TRIM48: variants seen among roughly 807,000 people sequenced by gnomAD.
TRIM48 encodes tripartite motif containing 48.
TRIM48 carries 31 observed loss-of-function variants against 29.5 expected under a neutral mutation model. The observed-to-expected ratio is 1.05, with a 90% CI of 0.79 to 1.42. TRIM48 has a LOEUF of 1.42. TRIM48 is among the 40% of genes most tolerant of loss of function. The pLI, the probability that TRIM48 is intolerant of heterozygous loss-of-function variation, is 0.00. For missense variants in TRIM48, 344 were observed against 265.0 expected (o/e 1.30, Z -2.07); for synonymous variants, 128 against 90.6 (o/e 1.41, Z -2.34).
rs758188890 is a variant in TRIM48, at chr11:55,264,948, C to A, written c.93C>A (p.Cys31Ter). The change falls in exon 2 of 6, where the codon TGC becomes TGA. Residue 31 changes from cysteine to a stop codon, truncating the protein, a stop_gained. Coordinates refer to ENST00000417545, the MANE Select transcript of TRIM48 (RefSeq NM_024114.5). LOFTEE classifies it high-confidence loss of function. ...AAGTCTTCCAGAGGGAACTCACCTG[C>A]CCCATCTGCATGAACTACTTCATAG... Reference protein sequence around the residue: ...ISQVFQRELTCPICMNYFIDP... With the variant: ...ISQVFQRELT 4 of 1,584,072 alleles carry A rather than the reference C, an allele frequency of 2.5e-6. No homozygotes were observed. The highest frequency in any genetic ancestry group is 3.4e-6 in the Non-Finnish European group (4 of 1,166,198).
chr11:55,267,600 A>T (rs1857413140), intron 3 of TRIM48: 5 of 1,563,894 alleles, frequency 3.2e-6, no homozygotes, highest in Non-Finnish European at 4.3e-6. Flanking sequence ...AGCGGAGCTG[A>T]TGAAAATGTG....
At chr11:55,264,463 C>G (rs1310758798) in intron 1 of TRIM48, among the ~76,000 whole-genome samples, 1 of 148,182 alleles carries the variant, frequency 6.7e-6, no homozygotes, top group Non-Finnish European at 1.5e-5. Flanking sequence ...GTCTCTCTCT[C>G]AAAATATATC....
rs1857461978 is a variant in TRIM48, at chr11:55,270,317, G to A, written c.*2-120G>A. 1.2e-5 allele frequency: 9 copies of A among 779,274 alleles called. 1 individual carries two copies. The highest frequency in any genetic ancestry group is 4.5e-5 in the South Asian group (2 of 44,644). The allele number at this position is 779,274 out of a possible 1,614,324, so 48.3% of individuals were successfully genotyped here. A position where few individuals can be genotyped will look rare whatever the true frequency, so the allele number is the denominator to read the frequency against. ...AGAAGTTACAAGCAAAAGTGTCCTT[G>A]TGACTTTACGTTTCCTGGTAAATTA... On this transcript the variant is annotated intron_variant, in intron 5 of 5. Transcript: ENST00000417545.
In TRIM48 at chr11:55,271,110, T is replaced by G; in HGVS notation, c.*675T>G. The G allele has an allele frequency of 1.3e-6, 1 of 787,108 alleles. No individual in the cohort carries two copies. Among genetic ancestry groups the G allele is most frequent in the South Asian group, 2.3e-5 (1 of 43,452 alleles). The allele number at this position is 787,108 out of a possible 1,614,324, so 48.8% of individuals were successfully genotyped here. On this transcript the variant is annotated 3_prime_UTR_variant, in exon 6 of 6. Coordinates refer to ENST00000417545, the MANE Select transcript of TRIM48 (RefSeq NM_024114.5). Reference sequence around the variant, plus strand: ...TTACTATTAAATGTAGTAAAAACACTAAAAGTATATATATTGGTTCTTTAT... The same window carrying G: ...TTACTATTAAATGTAGTAAAAACACGAAAAGTATATATATTGGTTCTTTAT...
chr11:55,269,065 T>C (rs1389409422), intron 4 of TRIM48, among the ~76,000 whole-genome samples, 177 bp from the exon 5 acceptor site: 2 of 148,682 alleles, frequency 1.3e-5, no homozygotes, highest in African/African-American at 4.9e-5. Context: ...ACTCTCCCAC[T>C]ATGCTTTAAA....
chr11:55,269,518 T>A (rs967341921), intron 5 of TRIM48, among the ~76,000 whole-genome samples, 179 bp downstream of exon 5: 4 of 148,118 alleles, frequency 2.7e-5, no homozygotes, highest in African/African-American at 4.9e-5. Context: ...GCATTAAGAT[T>A]GAAAGATAGT....
chr11:55,267,630 C>A (rs1429607919), intron 3 of TRIM48: 11 of 1,561,612 alleles, frequency 7.0e-6, no homozygotes, highest in Middle Eastern at 2.3e-4. Flanking sequence ...ACATGTGGAG[C>A]TACTTCAGGT....
Position 55,265,000 on chromosome 11 carries a change from A to G in TRIM48, c.145A>G (p.Ser49Gly). The G allele has an allele frequency of 2.5e-6, 4 of 1,584,726 alleles. No homozygotes were observed. The highest frequency in any genetic ancestry group is 3.4e-6 in the Non-Finnish European group (4 of 1,166,428). The part of the protein sequence containing the change: ...IDPVTIDCGH[S>G]FCRPCFYLNW... ...CCCGGTCACCATAGACTGTGGGCAC[A>G]GCTTTTGCAGGCCCTGTTTCTACCT... The change falls in exon 2 of 6, where the codon AGC becomes GGC. Residue 49 changes from serine to glycine, a missense_variant. Ser to Gly is a moderately conservative substitution (Grantham distance 56). Transcript: ENST00000417545.
rs1005242160 is a variant in TRIM48 at position 55,270,926 on chromosome 11, T to C, written c.*491T>C. Reference sequence around the variant, plus strand: ...CCTCTCAGACCTATCTTTTTCTGTATTCTCCTCTGACCAGAGACAAATCAG... The same window carrying C: ...CCTCTCAGACCTATCTTTTTCTGTACTCTCCTCTGACCAGAGACAAATCAG... On this transcript the variant is annotated 3_prime_UTR_variant, in exon 6 of 6. Transcript: ENST00000417545. The C allele has an allele frequency of 1.3e-6, 2 of 1,556,826 alleles. No homozygotes were observed. Among genetic ancestry groups the C allele is most frequent in the Non-Finnish European group, 1.7e-6 (2 of 1,145,640 alleles).
intron 2 of TRIM48, 36 bp downstream of exon 2, chr11:55,265,350 G>T (rs1416917517): frequency 6.3e-7 from 1 of 1,580,504 alleles, no homozygotes; most frequent in African/African-American, 1.4e-5. Flanking sequence ...TTCTATAAAG[G>T]ACACATGAAA....
chr11:55,265,027 A>C lies in TRIM48; in HGVS notation c.172A>C (p.Asn58His), dbSNP rs1333899492. 4.4e-6 allele frequency: 7 copies of C among 1,584,292 alleles called. 1 individual carries two copies. The highest frequency in any genetic ancestry group is 6.0e-6 in the Non-Finnish European group (7 of 1,166,302). The change falls in exon 2 of 6, where the codon AAC (asparagine) becomes CAC (histidine). Residue 58 changes from asparagine (N) to histidine (H), a missense_variant. Coordinates refer to ENST00000417545, the MANE Select transcript of TRIM48 (RefSeq NM_024114.5). ...HSFCRPCFYL[N>H]WQDIPILTQC... ...CTTTTGCAGGCCCTGTTTCTACCTC[A>C]ACTGGCAAGACATCCCAATTCTTAC...
intron 4 of TRIM48, 38 bp from the exon 5 acceptor site, chr11:55,269,204 T>A (rs1471420136): frequency 6.4e-7 from 1 of 1,561,866 alleles, no homozygotes; most frequent in South Asian, 1.2e-5. Flanking sequence ...ATTTATTTTA[T>A]GGCTGTAGAT....
chr11:55,264,816 C>G (rs756236057), intron 1 of TRIM48, 84 bp from the exon 2 acceptor site: 6 of 1,531,530 alleles, frequency 3.9e-6, no homozygotes, highest in African/African-American at 2.8e-5. Context: ...AGAGAAGAAA[C>G]TATAGCTATC....
rs778871781 is a variant in TRIM48, at chr11:55,269,295, C to A, written c.632C>A (p.Ala211Glu). Reference protein sequence around the residue: ...MPQPLNLALRAGPITGLRDRL... With the variant: ...MPQPLNLALREGPITGLRDRL... ...CAGCCTCTGAATCTAGCGCTCAGGG[C>A]AGGGCCCATCACTGGACTGAGGGAC... The change falls in exon 5 of 6, where the codon GCA becomes GAA. Residue 211 changes from alanine (A) to glutamate (E), a missense_variant. Transcript: ENST00000417545. The A allele has an allele frequency of 1.8e-5, 29 of 1,576,066 alleles. 5 individuals are homozygous for A. The East Asian group carries it at 3.6e-4, about 20-fold the overall frequency.
chr11:55,268,498 T>C, intron 4 of TRIM48, 126 bp downstream of exon 4: 1 of 927,558 alleles, frequency 1.1e-6, no homozygotes, highest in Non-Finnish European at 1.6e-6. Context: ...TCTTCTTTCA[T>C]TCCCACACCA....
chr11:55,263,575 T>C (rs1857338699), intron 1 of TRIM48, among the ~76,000 whole-genome samples: 1 of 152,010 alleles, frequency 6.6e-6, no homozygotes, highest in Non-Finnish European at 1.5e-5. Context: ...GGCAGGAGAC[T>C]CGCTTTGACC....
rs754421846 is a variant in TRIM48, at chr11:55,265,738, G to C, written c.555+43G>C. The C allele has an allele frequency of 3.9e-6, 6 of 1,542,878 alleles. 1 individual carries two copies. Among genetic ancestry groups the C allele is most frequent in the Non-Finnish European group, 5.3e-6 (6 of 1,137,310 alleles). ...CTACCTTCTCCAGGAACTTATGGTG[G>C]GCAAATGGGTGACTCTTAAAATAGG... On this transcript the variant is annotated intron_variant, in intron 3 of 5. Coordinates refer to ENST00000417545, the MANE Select transcript of TRIM48 (RefSeq NM_024114.5).
chr11:55,265,429 T>A, intron 2 of TRIM48, 115 bp downstream of exon 2: 1 of 1,516,194 alleles, frequency 6.6e-7, no homozygotes, highest in Non-Finnish European at 8.9e-7. Flanking sequence ...AACTCTCTTT[T>A]GGGCTTTCTT....
chr11:55,264,821 G>A lies in TRIM48; in HGVS notation c.45-79G>A. Reference sequence around the variant, plus strand: ...AACACTGTCAAGAGAAGAAACTATAGCTATCACTTATCTCCACATGTTCAG... The same window carrying A: ...AACACTGTCAAGAGAAGAAACTATAACTATCACTTATCTCCACATGTTCAG... On this transcript the variant is annotated intron_variant, in intron 1 of 5. Coordinates refer to ENST00000417545, the MANE Select transcript of TRIM48 (RefSeq NM_024114.5). 3.2e-6 allele frequency: 5 copies of A among 1,539,930 alleles called. No homozygotes were observed. In the Admixed American group the frequency reaches 5.4e-5, roughly 17 times the overall value.
Sources: gnomAD v4.1 joint callset for allele counts (sites outside exome capture counted in the v4.1 genomes callset) on GRCh38, gnomAD v4.1.1 for gene constraint, MANE v1.5 for transcripts, NCBI Gene and HGNC (gene_info 2026-07-23, HGNC 2026-07-21) for gene names.